The following LRRC14 variants were observed in gnomAD, a reference collection of about 807,000 sequenced individuals.
The protein encoded by LRRC14 is leucine rich repeat containing 14, also known as leucine-rich repeat-containing protein 14.
Under a neutral mutation model 25.3 loss-of-function variants are expected in LRRC14, and 16 were observed. The ratio of observed to expected loss-of-function variants is 0.63; its 90% confidence interval spans 0.43 to 0.96. The LOEUF (loss-of-function observed/expected upper bound fraction) is 0.96. Ranked by LOEUF, LRRC14 falls within the 40% of genes least tolerant of loss-of-function variation. The pLI is 0.00. For missense variants in LRRC14, 594 were observed against 660.5 expected (o/e 0.90, Z 1.10); for synonymous variants, 359 against 295.1 (o/e 1.22, Z -2.22).
Position 144,521,090 on chromosome 8 carries a change from C to T in LRRC14, c.1094C>T (p.Ala365Val), listed in dbSNP as rs1554907651. The T allele has an allele frequency of 4.3e-6, 7 of 1,613,110 alleles. No individual in the cohort carries two copies. Among genetic ancestry groups the T allele is most frequent in the Non-Finnish European group, 5.1e-6 (6 of 1,180,036 alleles). Residue 365 changes from alanine to valine, a missense_variant, in exon 4 of 4, where the codon GCC (alanine) becomes GTC (valine). By Grantham distance (64) the Ala-to-Val change is moderately conservative. Transcript: ENST00000292524. The stretch of plus-strand genomic sequence containing the variant: ...CAGGGTCTGTTGCAGGCATCAGCAG[C>T]CACACTGTTGCATCTGGAGCTGACT... ...PFQGLLQASA[A>V]TLLHLELTEC...
At chr8:144,520,860 G>A (rs1815982647) in intron 3 of LRRC14, 38 bp downstream of exon 3, 1 of 1,594,206 alleles carries the variant, frequency 6.3e-7, no homozygotes, top group Non-Finnish European at 8.5e-7. Context: ...CCTCCCTTCT[G>A]TAGGGACCCT....
rs1564825890 is a variant in LRRC14 at position 144,524,943 on chromosome 8, A to AGCG, written c.*3468_*3470dup. The AGCG allele has an allele frequency of 6.6e-7, 1 of 1,506,088 alleles. No individual in the cohort carries two copies. The highest frequency in any genetic ancestry group is 8.9e-7 in the Non-Finnish European group (1 of 1,129,012). The allele number at this position is 1,506,088 out of a possible 1,614,324, so 93.3% of individuals were successfully genotyped here. On this transcript the variant is annotated 3_prime_UTR_variant, in exon 4 of 4. Transcript: ENST00000292524. ...GCGGAGCGGCAGTAGTAGCAGCAGC[A>AGCG]GCGGCAGCAGTGCGGGGGCCCTCAG...
rs779790997 is a variant in LRRC14 at position 144,524,577 on chromosome 8, A to T, written c.*3099A>T. On this transcript the variant is annotated 3_prime_UTR_variant, in exon 4 of 4. Coordinates refer to ENST00000292524, the MANE Select transcript of LRRC14 (RefSeq NM_014665.4). Reference sequence around the variant, plus strand: ...CCGGTTGCTAGTGAGCGCCAGCTCCAGCAGGCGCGGCTGCGCGCGGAAGGC... The same window carrying T: ...CCGGTTGCTAGTGAGCGCCAGCTCCTGCAGGCGCGGCTGCGCGCGGAAGGC... 6.4e-7 allele frequency: 1 copy of T among 1,551,992 alleles called. No individual in the cohort carries two copies. The highest frequency in any genetic ancestry group is 8.6e-7 in the Non-Finnish European group (1 of 1,157,796).
In LRRC14 at chr8:144,522,690, C is replaced by A; in HGVS notation, c.*1212C>A. 6.3e-7 allele frequency: 1 copy of A among 1,596,448 alleles called. No homozygotes were observed. Among genetic ancestry groups the A allele is most frequent in the Admixed American group, 1.7e-5 (1 of 58,368 alleles). On this transcript the variant is annotated 3_prime_UTR_variant, in exon 4 of 4. Coordinates refer to ENST00000292524, the MANE Select transcript of LRRC14 (RefSeq NM_014665.4). ...TCCAAGTAGTCGTTGACGAACAGCG[C>A]TCCCTCCCCCGGAGGCCCCCGCGCC...
Position 144,523,075 on chromosome 8 carries a change from C to G in LRRC14, c.*1597C>G, listed in dbSNP as rs776768984. ...ATGCCGAGTGTCCGCCCAGGCCCAG[C>G]AACCCGCCTTCTAGCTGGGCCTGGG... On this transcript the variant is annotated 3_prime_UTR_variant, in exon 4 of 4. Coordinates refer to ENST00000292524, the MANE Select transcript of LRRC14 (RefSeq NM_014665.4). 1 of 1,607,822 alleles carries G rather than the reference C, an allele frequency of 6.2e-7. No homozygotes were observed. The highest frequency in any genetic ancestry group is 8.5e-7 in the Non-Finnish European group (1 of 1,178,972).
rs752535599 is a variant in LRRC14, at chr8:144,523,297, C to G, written c.*1819C>G. On this transcript the variant is annotated 3_prime_UTR_variant, in exon 4 of 4. Transcript: ENST00000292524. ...CCAGGAGACTCTGGAGCGCCAGGCG[C>G]GGGGGCTCTGCACACATGATCTTCC... The G allele has an allele frequency of 1.2e-6, 2 of 1,610,822 alleles. No individual in the cohort carries two copies. Among genetic ancestry groups the G allele is most frequent in the South Asian group, 1.1e-5 (1 of 90,874 alleles).
Position 144,523,566 on chromosome 8 carries a change from C to G in LRRC14, c.*2088C>G. On this transcript the variant is annotated 3_prime_UTR_variant, in exon 4 of 4. Transcript: ENST00000292524. ...CTGCCACCCCTTCCTTGACCCCAAG[C>G]TCCTTGGGGCGGCAGGCCCTTCACC... The G allele has an allele frequency of 1.6e-6, 2 of 1,212,830 alleles. No homozygotes were observed. The highest frequency in any genetic ancestry group is 2.1e-6 in the Non-Finnish European group (2 of 935,802). The allele number at this position is 1,212,830 out of a possible 1,614,324, so 75.1% of individuals were successfully genotyped here.
In LRRC14 at chr8:144,523,546, A is replaced by T; in HGVS notation, c.*2068A>T. 7.5e-7 allele frequency: 1 copy of T among 1,329,088 alleles called. No homozygotes were observed. Among genetic ancestry groups the T allele is most frequent in the South Asian group, 2.0e-5 (1 of 50,958 alleles). 82.3% of individuals were successfully genotyped at this position (1,329,088 alleles called of 1,614,324 possible). On this transcript the variant is annotated 3_prime_UTR_variant, in exon 4 of 4. Coordinates refer to ENST00000292524, the MANE Select transcript of LRRC14 (RefSeq NM_014665.4). ...TTCACACGGAGTCCAAGGCCCTGCC[A>T]CCCCTTCCTTGACCCCAAGCTCCTT... is the stretch of plus-strand genomic sequence containing the variant.
chr8:144,522,797 A>G lies in LRRC14; in HGVS notation c.*1319A>G, dbSNP rs764227881. Reference sequence around the variant, plus strand: ...CGCCAGCAGCGCGATGGCCGCCGCAATGGCCGTCTGTGTGGCCACGCCCAG... The same window carrying G: ...CGCCAGCAGCGCGATGGCCGCCGCAGTGGCCGTCTGTGTGGCCACGCCCAG... On this transcript the variant is annotated 3_prime_UTR_variant, in exon 4 of 4. Coordinates refer to ENST00000292524, the MANE Select transcript of LRRC14 (RefSeq NM_014665.4). 74 of 1,543,236 alleles carry G rather than the reference A, an allele frequency of 4.8e-5. No individual in the cohort carries two copies. The highest frequency in any genetic ancestry group is 1.9e-4 in the Admixed American group (10 of 51,850).
chr8:144,522,570 C>A lies in LRRC14; in HGVS notation c.*1092C>A. The A allele has an allele frequency of 6.4e-7, 1 of 1,553,552 alleles. No individual in the cohort carries two copies. The highest frequency in any genetic ancestry group is 8.7e-7 in the Non-Finnish European group (1 of 1,151,982). ...CAGTCAGCGGGCGCCTCCGCCGGACCCTCGGCGAAGAGCGGCTTGGAGCGG... is the reference window on the plus strand; with the variant it reads ...CAGTCAGCGGGCGCCTCCGCCGGACACTCGGCGAAGAGCGGCTTGGAGCGG... On this transcript the variant is annotated 3_prime_UTR_variant, in exon 4 of 4. Coordinates refer to ENST00000292524, the MANE Select transcript of LRRC14 (RefSeq NM_014665.4).
At chr8:144,520,118 G>C in intron 2 of LRRC14, 64 bp downstream of exon 2, 1 of 1,571,710 alleles carries the variant, frequency 6.4e-7, no homozygotes, top group Non-Finnish European at 8.6e-7. Context: ...GAGGAGGCTT[G>C]GGTCATAAAG....
Position 144,523,239 on chromosome 8 carries a change from G to A in LRRC14, c.*1761G>A, listed in dbSNP as rs1312507381. The A allele has an allele frequency of 6.2e-7, 1 of 1,610,422 alleles. No homozygotes were observed. Among genetic ancestry groups the A allele is most frequent in the Non-Finnish European group, 8.5e-7 (1 of 1,178,946 alleles). ...TCCAGCGGCTGCACGTGGACAGAGG[G>A]CGGAATGCAGATGAGGCTGCTGTGG... On this transcript the variant is annotated 3_prime_UTR_variant, in exon 4 of 4. Coordinates refer to ENST00000292524, the MANE Select transcript of LRRC14 (RefSeq NM_014665.4).
chr8:144,521,822 G>T lies in LRRC14; in HGVS notation c.*344G>T. 1 of 280,426 alleles carries T rather than the reference G, an allele frequency of 3.6e-6. No individual in the cohort carries two copies. The highest frequency in any genetic ancestry group is 6.8e-6 in the Non-Finnish European group (1 of 147,358). The allele number at this position is 280,426 out of a possible 1,614,324, so 17.4% of individuals were successfully genotyped here. A position where few individuals can be genotyped will look rare whatever the true frequency, so the allele number is the denominator to read the frequency against. On this transcript the variant is annotated 3_prime_UTR_variant, in exon 4 of 4. Transcript: ENST00000292524. ...CAGTTGTGAGCTGAGAGAGATGATG[G>T]CCTCTCTGGGCCTTTCCTCTCCCTT... is the stretch of plus-strand genomic sequence containing the variant.
In LRRC14 at chr8:144,524,352, A is replaced by G. The variant is rs1816265637; in HGVS notation, c.*2874A>G. ...GGCATGTCTCTCTTCTTACCAAGCT[A>G]GACTGGGTTGCCTTTTCTAACTATT... On this transcript the variant is annotated 3_prime_UTR_variant, in exon 4 of 4. Coordinates refer to ENST00000292524, the MANE Select transcript of LRRC14 (RefSeq NM_014665.4). The G allele has an allele frequency of 6.3e-7, 1 of 1,595,946 alleles. No individual in the cohort carries two copies. Among genetic ancestry groups the G allele is most frequent in the African/African-American group, 1.3e-5 (1 of 74,744 alleles).
Position 144,524,505 on chromosome 8 carries a change from C to T in LRRC14, c.*3027C>T. On this transcript the variant is annotated 3_prime_UTR_variant, in exon 4 of 4. Transcript: ENST00000292524. ...CTGGTTGCCCGCCAGGTAGAGCACG[C>T]GCAGCTGGGCCAGGCCTACGAAGGC... is the stretch of plus-strand genomic sequence containing the variant. 2 of 1,596,506 alleles carry T rather than the reference C, an allele frequency of 1.3e-6. No individual in the cohort carries two copies. The highest frequency in any genetic ancestry group is 1.7e-6 in the Non-Finnish European group (2 of 1,179,406).
rs1168743165 is a variant in LRRC14 at position 144,524,140 on chromosome 8, G to A, written c.*2662G>A. On this transcript the variant is annotated 3_prime_UTR_variant, in exon 4 of 4. Coordinates refer to ENST00000292524, the MANE Select transcript of LRRC14 (RefSeq NM_014665.4). ...AGGCGCAGGACTTGCAGACTGGCCA[G>A]GGGCTGCAGGGCCTCTCGGCTGATG... 6.2e-7 allele frequency: 1 copy of A among 1,607,228 alleles called. No individual in the cohort carries two copies. The highest frequency in any genetic ancestry group is 1.1e-5 in the South Asian group (1 of 91,000).
chr8:144,521,599 T>A lies in LRRC14; in HGVS notation c.*121T>A. 9.4e-7 allele frequency: 1 copy of A among 1,067,298 alleles called. No homozygotes were observed. Among genetic ancestry groups the A allele is most frequent in the Non-Finnish European group, 1.3e-6 (1 of 760,434 alleles). 66.1% of individuals were successfully genotyped at this position (1,067,298 alleles called of 1,614,324 possible). The stretch of plus-strand genomic sequence containing the variant: ...CTGGTTACTGGTTTCCTGCTGGGTC[T>A]ACCTTGCTTCTGGGCACACCTCAAG... On this transcript the variant is annotated 3_prime_UTR_variant, in exon 4 of 4. Coordinates refer to ENST00000292524, the MANE Select transcript of LRRC14 (RefSeq NM_014665.4).
chr8:144,523,120 A>G lies in LRRC14; in HGVS notation c.*1642A>G, dbSNP rs748084507. ...CCTGGGCTCGCGGCCGGCCCTCGCG[A>G]GGCTGGGGCACCTTTCTCCAGGTCA... On this transcript the variant is annotated 3_prime_UTR_variant, in exon 4 of 4. Coordinates refer to ENST00000292524, the MANE Select transcript of LRRC14 (RefSeq NM_014665.4). The G allele has an allele frequency of 3.1e-6, 5 of 1,609,778 alleles. No homozygotes were observed. In the Admixed American group the frequency reaches 8.4e-5, roughly 27 times the overall value.
At position 144,522,773 on chromosome 8, in the gene LRRC14, G is replaced by A; in HGVS notation, c.*1295G>A. 3 of 1,566,128 alleles carry A rather than the reference G, an allele frequency of 1.9e-6. No homozygotes were observed. The highest frequency in any genetic ancestry group is 1.2e-5 in the South Asian group (1 of 86,018). The stretch of plus-strand genomic sequence containing the variant: ...GGCGACCAGGAGCAGCGCCGTGAGC[G>A]CCAGCAGCGCGATGGCCGCCGCAAT... On this transcript the variant is annotated 3_prime_UTR_variant, in exon 4 of 4. Transcript: ENST00000292524.
Sources: allele counts gnomAD v4.1 joint callset, GRCh38; gene constraint gnomAD v4.1.1; transcripts MANE v1.5; gene names NCBI Gene and HGNC (gene_info 2026-07-23, HGNC 2026-07-21).